HS6ST3: variants seen among roughly 807,000 people sequenced by gnomAD.
HS6ST3 encodes heparan sulfate 6-O-sulfotransferase 3.
A neutral mutation model predicts 36.7 loss-of-function variants in HS6ST3; 12 were observed. That is an observed-to-expected ratio of 0.33 (90% confidence interval 0.21 to 0.53). The LOEUF (loss-of-function observed/expected upper bound fraction) is 0.53. Ranked by LOEUF, HS6ST3 falls within the 20% of genes least tolerant of loss-of-function variation. The pLI, the probability that HS6ST3 is intolerant of heterozygous loss-of-function variation, is 0.95. For missense variants in HS6ST3, 584 were observed against 640.9 expected, an observed-to-expected ratio of 0.91 and a Z score of 0.96; for synonymous variants, 240 against 257.5, an observed-to-expected ratio of 0.93 and a Z score of 0.65.
At chr13:96,280,199 A>G (rs1415593169) in intron 1 of HS6ST3, among the ~76,000 whole-genome samples, 1 of 152,162 alleles carries the variant, frequency 6.6e-6, no homozygotes, top group South Asian at 2.1e-4. Context: ...TTTTTTGACA[A>G]GTCTCTTACC....
chr13:96,183,303 C>T (rs762836253), intron 1 of HS6ST3, among the ~76,000 whole-genome samples: 4 of 151,962 alleles, frequency 2.6e-5, no homozygotes, highest in East Asian at 3.9e-4. Flanking sequence ...TGAATTGAAA[C>T]GTTGATTTCC....
At chr13:96,420,591 T>G (rs766901167) in intron 1 of HS6ST3, among the ~76,000 whole-genome samples, 11 of 152,252 alleles carry the variant, frequency 7.2e-5, no homozygotes, top group Admixed American at 2.0e-4. Context: ...CGATAATTGA[T>G]GGTCATATAT....
At chr13:96,139,987 GAGATGTGGGACAATTTGAAAAAACTCAC>G (rs2054022710) in intron 1 of HS6ST3, among the ~76,000 whole-genome samples, 1 of 151,948 alleles carries the variant, frequency 6.6e-6, no homozygotes, top group Non-Finnish European at 1.5e-5. Flanking sequence ...AAGTTTTTTT[GAGATGTGGGACAATTTGAAAAAACTCAC>G]AGATGAGCCG....
intron 1 of HS6ST3, among the ~76,000 whole-genome samples, chr13:96,421,084 G>T (rs957109864): frequency 6.6e-6 from 1 of 152,140 alleles, no homozygotes; most frequent in Non-Finnish European, 1.5e-5. Flanking sequence ...TCCTCTGGAG[G>T]TTACTTACAG....
At chr13:96,095,195 A>G (rs2053784378) in intron 1 of HS6ST3, among the ~76,000 whole-genome samples, 1 of 152,218 alleles carries the variant, frequency 6.6e-6, no homozygotes, top group South Asian at 2.1e-4. Context: ...TACTATGGAA[A>G]GTGCAGTGGA....
intron 1 of HS6ST3, among the ~76,000 whole-genome samples, chr13:96,684,216 ATC>A (rs991190112): frequency 1.3e-5 from 2 of 151,764 alleles, no homozygotes; most frequent in African/African-American, 4.8e-5. Flanking sequence ...TTGTCTCTTG[ATC>A]TCTCTTTTTA....
chr13:96,697,191 A>G (rs1305079595), intron 1 of HS6ST3, among the ~76,000 whole-genome samples: 2 of 151,786 alleles, frequency 1.3e-5, no homozygotes, highest in African/African-American at 2.4e-5. Flanking sequence ...GTGTGTGTAT[A>G]TATGTATATG....
chr13:96,683,117 A>G (rs2056723881), intron 1 of HS6ST3, among the ~76,000 whole-genome samples: 2 of 152,090 alleles, frequency 1.3e-5, no homozygotes, highest in South Asian at 4.1e-4. Flanking sequence ...ATCCTTCTTA[A>G]TATTGACAGT....
chr13:96,203,992 T>C (rs2054356355), intron 1 of HS6ST3, among the ~76,000 whole-genome samples: 1 of 152,180 alleles, frequency 6.6e-6, no homozygotes, highest in Non-Finnish European at 1.5e-5. Context: ...AGCTAGCTAT[T>C]CATCAAAAGG....
chr13:96,642,881 G>T (rs907740774), intron 1 of HS6ST3, among the ~76,000 whole-genome samples: 1 of 151,714 alleles, frequency 6.6e-6, no homozygotes, highest in Non-Finnish European at 1.5e-5. Flanking sequence ...TTTGTAGTAA[G>T]TCCAACATCT....
chr13:96,669,120 C>T (rs117213724), intron 1 of HS6ST3, among the ~76,000 whole-genome samples: 1 of 152,086 alleles, frequency 6.6e-6, no homozygotes, highest in Admixed American at 6.6e-5. Context: ...TTGAAGGGCA[C>T]TGTGTATTCA....
At chr13:96,798,795 G>A (rs912008794) in intron 1 of HS6ST3, among the ~76,000 whole-genome samples, 1 of 152,028 alleles carries the variant, frequency 6.6e-6, no homozygotes, top group Non-Finnish European at 1.5e-5. Context: ...GACTATATGA[G>A]CTAAACAACA....
chr13:96,518,347 G>A (rs1183538459), intron 1 of HS6ST3, among the ~76,000 whole-genome samples: 1 of 151,984 alleles, frequency 6.6e-6, no homozygotes, highest in African/African-American at 2.4e-5. Context: ...CCTTTTTTAT[G>A]GGAAGCAATT....
chr13:96,435,842 C>A (rs184049172), intron 1 of HS6ST3, among the ~76,000 whole-genome samples: 33 of 152,060 alleles, frequency 2.2e-4, no homozygotes, highest in African/African-American at 6.8e-4. Context: ...ATCACAAATT[C>A]TTTGTACTTC....
At chr13:96,735,312 G>T (rs1296209361) in intron 1 of HS6ST3, among the ~76,000 whole-genome samples, 1 of 152,072 alleles carries the variant, frequency 6.6e-6, no homozygotes, top group Non-Finnish European at 1.5e-5. Context: ...TTTGCATGGG[G>T]ATTCTGGGAG....
At chr13:96,357,511 A>G (rs2055215933) in intron 1 of HS6ST3, among the ~76,000 whole-genome samples, 1 of 152,180 alleles carries the variant, frequency 6.6e-6, no homozygotes, top group African/African-American at 2.4e-5. Flanking sequence ...AGAGAGAGAA[A>G]GCTAGTCAGT....
At chr13:96,271,904 G>C (rs2054722212) in intron 1 of HS6ST3, among the ~76,000 whole-genome samples, 1 of 151,938 alleles carries the variant, frequency 6.6e-6, no homozygotes, top group African/African-American at 2.4e-5. Flanking sequence ...GCATTTCCTA[G>C]AATCTTTACA....
At chr13:96,471,818 A>G (rs2138891019) in intron 1 of HS6ST3, among the ~76,000 whole-genome samples, 1 of 152,314 alleles carries the variant, frequency 6.6e-6, no homozygotes, top group South Asian at 2.1e-4. Flanking sequence ...TGTTGCTATA[A>G]TGTAAGGCAG....
rs186661203 is a variant in HS6ST3, at chr13:96,537,273, G to A, written c.708-295217G>A. Among the ~76,000 whole-genome samples, 4 of 152,220 alleles carry A rather than the reference G, an allele frequency of 2.6e-5. No homozygotes were observed. The East Asian group carries it at 5.8e-4, about 22-fold the overall frequency. The stretch of plus-strand genomic sequence containing the variant: ...AGATCTTGTGAGACTTAACTACCAC[G>A]AGAACAGTATGGGGGAAACCACCCC... On this transcript the variant is annotated intron_variant, in intron 1 of 1. Transcript: ENST00000376705.
Sources: gnomAD v4.1 joint callset for allele counts (sites outside exome capture counted in the v4.1 genomes callset) on GRCh38, gnomAD v4.1.1 for gene constraint, MANE v1.5 for transcripts, NCBI Gene and HGNC (gene_info 2026-07-23, HGNC 2026-07-21) for gene names.